The following TUT4 variants were observed in gnomAD, a reference collection of about 807,000 sequenced individuals.
TUT4 encodes terminal uridylyltransferase 4.
Under a neutral mutation model 192.2 loss-of-function variants are expected in TUT4, and 36 were observed. The ratio of observed to expected loss-of-function variants is 0.19; its 90% CI spans 0.14 to 0.25. The LOEUF (loss-of-function observed/expected upper bound fraction) is 0.25, where lower values mean the gene tolerates loss of function less well. Ranked by LOEUF, TUT4 falls within the 10% of genes least tolerant of loss-of-function variation. TUT4 has a pLI of 1.00. For missense variants in TUT4, 1,493 were observed against 1,957.2 expected (o/e 0.76, Z 4.47); for synonymous variants, 618 against 666.0 (o/e 0.93, Z 1.11).
At chr1:52,428,401 C>T (rs563641507) in intron 28 of TUT4, among the ~76,000 whole-genome samples, 5 of 151,960 alleles carry the variant, frequency 3.3e-5, no homozygotes, top group South Asian at 2.1e-4. Flanking sequence ...CCGAGGCAGG[C>T]GGATAATTTG....
chr1:52,501,454 A>C (rs1002318939), intron 4 of TUT4, among the ~76,000 whole-genome samples: 2 of 152,086 alleles, frequency 1.3e-5, no homozygotes, highest in African/African-American at 4.8e-5. Context: ...GGGGGGAGGC[A>C]GAAAACAAGA....
rs1197058360 is a variant in TUT4 at position 52,425,484 on chromosome 1, G to A, written c.4735C>T (p.Pro1579Ser). 4 of 1,613,518 alleles carry A rather than the reference G, an allele frequency of 2.5e-6. No homozygotes were observed. Among genetic ancestry groups the A allele is most frequent in the Non-Finnish European group, 2.5e-6 (3 of 1,179,744 alleles). Residue 1579 changes from proline (P) to serine (S), a missense_variant, in exon 29 of 30, where the codon CCT (proline) becomes TCT (serine). Pro to Ser is a moderately conservative substitution (Grantham distance 74). This residue lies in a region of TUT4 where 351 missense variants were observed against 397.8 expected (regional missense o/e 0.88). Coordinates refer to ENST00000257177, the MANE Select transcript of TUT4 (RefSeq NM_001009881.3). The part of the protein sequence containing the change: ...NSEPGFRGLT[P>S]PIPWEHAPRP... ...GGTGCATGTTCCCAAGGAATTGGAGGAGTCAGTCCTCGAAAGCCTGGCTCT... is the reference window on the plus strand; with the variant it reads ...GGTGCATGTTCCCAAGGAATTGGAGAAGTCAGTCCTCGAAAGCCTGGCTCT...
intron 1 of TUT4, among the ~76,000 whole-genome samples, chr1:52,551,516 T>C (rs890826084): frequency 1.3e-5 from 2 of 152,234 alleles, no homozygotes; most frequent in African/African-American, 4.8e-5. Context: ...CTTTAAAAAT[T>C]TGTTTATAAA....
intron 14 of TUT4, 185 bp from the exon 15 acceptor site, chr1:52,468,452 T>C: frequency 2.0e-6 from 1 of 504,860 alleles, no homozygotes; most frequent in African/African-American, 2.0e-5. Context: ...AAAAACTGTT[T>C]TTCTGTTTTA....
chr1:52,540,111 C>T (rs1228760429), intron 1 of TUT4, among the ~76,000 whole-genome samples: 1 of 150,758 alleles, frequency 6.6e-6, no homozygotes, highest in Non-Finnish European at 1.5e-5. Flanking sequence ...ACCAGCTACT[C>T]GGGAGGCTGA....
Position 52,438,410 on chromosome 1 carries a change from T to G in TUT4, c.3823-75A>C, listed in dbSNP as rs193188471. Reference sequence around the variant, plus strand: ...AATCCAAATGGAAAGAAGACCAAGATGCAAACATGGTTTATTTTTACAAAG... The same window carrying G: ...AATCCAAATGGAAAGAAGACCAAGAGGCAAACATGGTTTATTTTTACAAAG... On this transcript the variant is annotated intron_variant, in intron 24 of 29. Coordinates refer to ENST00000257177, the MANE Select transcript of TUT4 (RefSeq NM_001009881.3). 206 of 960,650 alleles carry G rather than the reference T, an allele frequency of 2.1e-4. No individual in the cohort carries two copies. The East Asian group carries it at 4.9e-3, about 23-fold the overall frequency. The allele number at this position is 960,650 out of a possible 1,614,324, so 59.5% of individuals were successfully genotyped here.
At chr1:52,520,221 G>C (rs890326892) in intron 2 of TUT4, among the ~76,000 whole-genome samples, 5 of 152,152 alleles carry the variant, frequency 3.3e-5, no homozygotes, top group Non-Finnish European at 7.4e-5. Flanking sequence ...AGAGAAATAG[G>C]GGAGTGTCAC....
At chr1:52,480,602 GAAGT>G (rs1316370754) in intron 11 of TUT4, among the ~76,000 whole-genome samples, 2 of 152,196 alleles carry the variant, frequency 1.3e-5, no homozygotes, top group African/African-American at 2.4e-5. Context: ...TACAGTGGGA[GAAGT>G]AAGAGCATGT....
intron 19 of TUT4, among the ~76,000 whole-genome samples, chr1:52,460,096 G>GTGA (rs1662147990): frequency 6.6e-6 from 1 of 152,158 alleles, no homozygotes; most frequent in African/African-American, 2.4e-5. Context: ...CTTGTTAGGT[G>GTGA]AATCTAGAAA....
chr1:52,428,520 G>A (rs1165801940), intron 28 of TUT4, among the ~76,000 whole-genome samples: 2 of 151,952 alleles, frequency 1.3e-5, no homozygotes, highest in Non-Finnish European at 2.9e-5. Flanking sequence ...CAGCTACTTG[G>A]GAGGCTGAGG....
intron 11 of TUT4, among the ~76,000 whole-genome samples, chr1:52,479,310 C>T (rs1667881074): frequency 1.3e-5 from 2 of 152,110 alleles, no homozygotes; most frequent in Admixed American, 1.3e-4. Context: ...AGGGCATGAT[C>T]TGGCTTAAGT....
Position 52,545,394 on chromosome 1 carries a change from A to G in TUT4, c.-94+7537T>C, listed in dbSNP as rs1386572070. 1.1e-3 allele frequency among the ~76,000 whole-genome samples: 160 copies of G among 151,648 alleles called. 1 individual carries two copies. Among genetic ancestry groups the G allele is most frequent in the Admixed American group, 6.0e-3 (91 of 15,194 alleles). On this transcript the variant is annotated intron_variant, in intron 1 of 29. Transcript: ENST00000257177. ...ACTCTGTCTCAAAAAAAAAAAAAAA[A>G]GTAACCCCACAGAACAGAATGGAAG...
intron 20 of TUT4, among the ~76,000 whole-genome samples, chr1:52,455,275 C>A (rs1319923228): frequency 2.6e-5 from 4 of 151,976 alleles, no homozygotes; most frequent in Non-Finnish European, 5.9e-5. Context: ...CAGAGCAAGA[C>A]CCTCTCTCAA....
chr1:52,542,956 T>A (rs148319938), intron 1 of TUT4, among the ~76,000 whole-genome samples: 1 of 152,098 alleles, frequency 6.6e-6, no homozygotes, highest in East Asian at 1.9e-4. Flanking sequence ...CGTTTCTCCA[T>A]GTTCGTCAGG....
chr1:52,495,087 C>T (rs1351248425), intron 6 of TUT4, among the ~76,000 whole-genome samples: 2 of 152,146 alleles, frequency 1.3e-5, no homozygotes. Flanking sequence ...AAGCAACTTG[C>T]TTATCACAGA....
At chr1:52,451,118 A>T (rs1036763342) in intron 20 of TUT4, among the ~76,000 whole-genome samples, 3 of 152,108 alleles carry the variant, frequency 2.0e-5, no homozygotes, top group African/African-American at 4.8e-5. Flanking sequence ...ACAAAAAAAT[A>T]AGCCTGACAT....
At chr1:52,504,445 C>T (rs1674969437) in intron 4 of TUT4, among the ~76,000 whole-genome samples, 2 of 152,128 alleles carry the variant, frequency 1.3e-5, no homozygotes, top group Non-Finnish European at 2.9e-5. Flanking sequence ...GCCTGGCCAA[C>T]ATGGTGAAAC....
intron 4 of TUT4, among the ~76,000 whole-genome samples, chr1:52,497,424 G>C (rs908680073): frequency 6.6e-6 from 1 of 152,166 alleles, no homozygotes; most frequent in African/African-American, 2.4e-5. Flanking sequence ...TTGTTCCACT[G>C]TACTGTCTGC....
chr1:52,436,989 TA>T lies in TUT4; in HGVS notation c.3939-12del, dbSNP rs748413020. On this transcript the variant is annotated splice_polypyrimidine_tract_variant and intron_variant, in intron 25 of 29. Transcript: ENST00000257177. ...CTAAACAGTAAACTGCTGATACCAATAATGTGGGGCTAGGGACTTGTAAATT... is the reference window on the plus strand; with the variant it reads ...CTAAACAGTAAACTGCTGATACCAATATGTGGGGCTAGGGACTTGTAAATT... The T allele has an allele frequency of 1.2e-6, 2 of 1,612,224 alleles. No homozygotes were observed. The highest frequency in any genetic ancestry group is 4.5e-5 in the East Asian group (2 of 44,874).
Sources: allele counts gnomAD v4.1 joint callset (sites outside exome capture counted in the v4.1 genomes callset), GRCh38; gene constraint gnomAD v4.1.1; regional missense constraint gnomAD v4.1.1; transcripts MANE v1.5; gene names NCBI Gene and HGNC (gene_info 2026-07-23, HGNC 2026-07-21).